The following TENM3 variants were observed in gnomAD, a reference collection of about 807,000 sequenced individuals.
The protein encoded by TENM3 is teneurin transmembrane protein 3, also known as teneurin-3.
A neutral mutation model predicts 255.1 loss-of-function variants in TENM3; 63 were observed. The observed-to-expected ratio is 0.25, with a 90% CI of 0.20 to 0.30. The LOEUF is 0.30. Ranked by LOEUF, TENM3 falls within the 10% of genes least tolerant of loss-of-function variation. The pLI is 1.00. For missense variants in TENM3, 2,929 were observed against 3,461.1 expected (o/e 0.85, Z 3.86); for synonymous variants, 1,306 against 1,322.3 (o/e 0.99, Z 0.27).
chr4:181,688,276 C>T, the TENM3 span, among the ~76,000 whole-genome samples: 772 of 152,220 alleles, frequency 5.1e-3, 5 homozygotes, highest in African/African-American at 0.018. Flanking sequence ...AATCTGTTCA[C>T]TAGGGTAAGT....
intron 3 of TENM3, among the ~76,000 whole-genome samples, chr4:182,451,909 A>C (rs1773493278): frequency 6.6e-6 from 1 of 152,246 alleles, no homozygotes; most frequent in Non-Finnish European, 1.5e-5. Context: ...ATTTTTAACA[A>C]GCCACCTTTC....
the TENM3 span, among the ~76,000 whole-genome samples, chr4:182,021,793 A>G: frequency 1.3e-5 from 2 of 152,206 alleles, no homozygotes; most frequent in Non-Finnish European, 2.9e-5. Context: ...ATAGTAGTCA[A>G]TCTTGTACTT....
chr4:181,641,554 G>GTATATATATATATATATATA, the TENM3 span, among the ~76,000 whole-genome samples: 3 of 26,912 alleles, frequency 1.1e-4, no homozygotes, highest in African/African-American at 1.6e-4. Flanking sequence ...TGGTGTGTGT[G>GTATATATATATATATATATA]TATATATATA....
At chr4:182,100,564 CACATATATAT>C in the TENM3 span, among the ~76,000 whole-genome samples, 55 of 126,906 alleles carry the variant, frequency 4.3e-4, no homozygotes, top group African/African-American at 1.8e-3. Flanking sequence ...TATATATACA[CACATATATAT>C]ACACATATAT....
chr4:181,519,035 C>CA, the TENM3 span, among the ~76,000 whole-genome samples: 529 of 151,732 alleles, frequency 3.5e-3, 8 homozygotes, highest in African/African-American at 0.012. Flanking sequence ...TGGTGAGTAA[C>CA]AAAAAAAATA....
intron 4 of TENM3, among the ~76,000 whole-genome samples, chr4:182,619,026 C>A (rs944220144): frequency 5.9e-5 from 9 of 152,074 alleles, no homozygotes; most frequent in African/African-American, 2.2e-4. Flanking sequence ...GACAGAGTTA[C>A]TCAACAGTGA....
At chr4:182,110,361 G>A in the TENM3 span, among the ~76,000 whole-genome samples, 1 of 151,792 alleles carries the variant, frequency 6.6e-6, no homozygotes, top group Admixed American at 6.6e-5. Flanking sequence ...GTCTCGCTCT[G>A]TCACCCAGGC....
At chr4:182,541,094 G>T (rs944934598) in intron 3 of TENM3, among the ~76,000 whole-genome samples, 1 of 152,188 alleles carries the variant, frequency 6.6e-6, no homozygotes, top group South Asian at 2.1e-4. Context: ...TAAAAAACTT[G>T]CTCAACTTCA....
At chr4:181,861,612 A>G in the TENM3 span, among the ~76,000 whole-genome samples, 1 of 151,978 alleles carries the variant, frequency 6.6e-6, no homozygotes, top group African/African-American at 2.4e-5. Context: ...CATCCCTAAT[A>G]CTTCTAAGTC....
At chr4:182,771,955 C>T (rs1020939783) in intron 22 of TENM3, among the ~76,000 whole-genome samples, 22 of 152,200 alleles carry the variant, frequency 1.4e-4, no homozygotes, top group Admixed American at 7.2e-4. Flanking sequence ...GGCTGAGCAG[C>T]GTGGCAGGTT....
At chr4:182,378,217 A>T (rs1367916746) in intron 3 of TENM3, among the ~76,000 whole-genome samples, 1 of 152,192 alleles carries the variant, frequency 6.6e-6, no homozygotes, top group African/African-American at 2.4e-5. Flanking sequence ...ATACAGAGAG[A>T]TTTATCCCTT....
chr4:181,812,593 G>C, the TENM3 span, among the ~76,000 whole-genome samples: 2 of 152,160 alleles, frequency 1.3e-5, no homozygotes, highest in African/African-American at 4.8e-5. Context: ...TGCACTCTGA[G>C]TGCCAATTTC....
chr4:182,504,533 T>C (rs765931462), intron 3 of TENM3, among the ~76,000 whole-genome samples: 2 of 152,214 alleles, frequency 1.3e-5, no homozygotes, highest in African/African-American at 2.4e-5. Flanking sequence ...CCACCCTCTG[T>C]GAATAGGTGA....
the TENM3 span, among the ~76,000 whole-genome samples, chr4:181,495,674 A>C: frequency 6.6e-6 from 1 of 152,148 alleles, no homozygotes; most frequent in Non-Finnish European, 1.5e-5. Context: ...ATAAAATTAT[A>C]GTCTTAGATT....
the TENM3 span, among the ~76,000 whole-genome samples, chr4:182,094,002 A>C: frequency 3.0e-4 from 46 of 152,312 alleles, no homozygotes; most frequent in Middle Eastern, 3.4e-3. Flanking sequence ...AGGAACCTAC[A>C]GAGGCCTAGG....
chr4:182,789,173 T>G lies in TENM3; in HGVS notation c.5385T>G (p.Phe1795Leu). Reference protein sequence around the residue: ...TEKIYDDHRKFLLRIAYDTSG... With the variant: ...TEKIYDDHRKLLLRIAYDTSG... ...AGATCTATGACGACCACCGTAAATT[T>G]CTACTGAGGATCGCCTACGACACGT... The change falls in exon 25 of 28, where the codon TTT becomes TTG. Residue 1795 changes from phenylalanine to leucine, a missense_variant. Coordinates refer to ENST00000511685, the MANE Select transcript of TENM3 (RefSeq NM_001080477.4). This position sits in a 1 kb window ranked among gnomAD's most constrained non-coding sequence, Gnocchi z 4.4. 1 of 1,613,160 alleles carries G rather than the reference T, an allele frequency of 6.2e-7. No homozygotes were observed.
At chr4:181,479,883 G>C in the TENM3 span, among the ~76,000 whole-genome samples, 3 of 152,136 alleles carry the variant, frequency 2.0e-5, no homozygotes, top group Non-Finnish European at 4.4e-5. Flanking sequence ...TAATGGGTGA[G>C]AGAATATTTG....
chr4:182,613,858 G>A (rs1204278451), intron 4 of TENM3, among the ~76,000 whole-genome samples: 1 of 152,118 alleles, frequency 6.6e-6, no homozygotes, highest in South Asian at 2.1e-4. Context: ...TTACTAATAG[G>A]TCATATTAAT....
the TENM3 span, among the ~76,000 whole-genome samples, chr4:181,867,728 T>C: frequency 6.6e-6 from 1 of 152,164 alleles, no homozygotes; most frequent in African/African-American, 2.4e-5. Flanking sequence ...GATAGCAATT[T>C]TTCTATTTGT....
Sources: gnomAD v4.1 joint callset for allele counts (sites outside exome capture counted in the v4.1 genomes callset) on GRCh38, gnomAD v4.1.1 for gene constraint, Gnocchi (gnomAD v3.1) non-coding constraint, MANE v1.5 for transcripts, NCBI Gene and HGNC (gene_info 2026-07-23, HGNC 2026-07-21) for gene names.